Variants in NTM observed in about 807,000 individuals in gnomAD.
NTM encodes neurotrimin.
Under a neutral mutation model 42.1 loss-of-function variants are expected in NTM, and 13 were observed. The ratio of observed to expected loss-of-function variants is 0.31; its 90% CI spans 0.20 to 0.49. The LOEUF is 0.49. NTM is among the 20% of genes least tolerant of loss of function. The pLI, the probability that NTM is intolerant of heterozygous loss-of-function variation, is 0.99. For missense variants in NTM, 373 were observed against 452.8 expected (o/e 0.82, Z 1.60); for synonymous variants, 187 against 179.2 (o/e 1.04, Z -0.35).
intron 1 of NTM, among the ~76,000 whole-genome samples, chr11:131,401,227 C>T (rs1359288565): frequency 6.6e-6 from 1 of 152,156 alleles, no homozygotes; most frequent in African/African-American, 2.4e-5. Context: ...AGAATACACT[C>T]TCAGGTCATC....
rs568140079 is a variant in NTM, at chr11:132,002,979, C to T, written c.167+91331C>T. Among the ~76,000 whole-genome samples, 6 of 152,182 alleles carry T rather than the reference C, an allele frequency of 3.9e-5. No homozygotes were observed. Among genetic ancestry groups the T allele is most frequent in the East Asian group, 1.9e-4 (1 of 5,178 alleles). ...AACCTTTGTCTTCAAGAAGCTTTTACTGTCCGCCTGTCAAAGTTCCTGAGC... is the reference window on the plus strand; with the variant it reads ...AACCTTTGTCTTCAAGAAGCTTTTATTGTCCGCCTGTCAAAGTTCCTGAGC... On this transcript the variant is annotated intron_variant, in intron 2 of 8. Transcript: ENST00000683400. The surrounding 1 kb of genome is among the most constrained non-coding windows in gnomAD (Gnocchi z 4.5).
At chr11:132,288,554 A>G (rs1284703764) in intron 4 of NTM, among the ~76,000 whole-genome samples, 1 of 152,138 alleles carries the variant, frequency 6.6e-6, no homozygotes, top group Non-Finnish European at 1.5e-5. Context: ...ACCCCAAAAT[A>G]TTTCTTTTGT....
intron 1 of NTM, among the ~76,000 whole-genome samples, chr11:131,439,607 G>A (rs888491528): frequency 5.9e-5 from 9 of 152,200 alleles, no homozygotes; most frequent in African/African-American, 1.4e-4. Flanking sequence ...GCATGGGACC[G>A]GCCTAGTCAT....
At chr11:131,610,538 G>C (rs1291134821) in intron 1 of NTM, among the ~76,000 whole-genome samples, 1 of 152,232 alleles carries the variant, frequency 6.6e-6, no homozygotes, top group Non-Finnish European at 1.5e-5. Context: ...TCTGCACCAG[G>C]AGCAAGGAGA....
intron 2 of NTM, among the ~76,000 whole-genome samples, chr11:131,945,574 C>T (rs2060255379): frequency 6.6e-6 from 1 of 152,152 alleles, no homozygotes; most frequent in African/African-American, 2.4e-5. Flanking sequence ...AACAGGTTAA[C>T]CAGGTTCAAT....
chr11:132,299,594 C>T (rs895918), intron 4 of NTM, among the ~76,000 whole-genome samples: 34,775 of 152,096 alleles, frequency 0.23, 4,089 homozygotes, highest in Middle Eastern at 0.29. Flanking sequence ...CTACGACTTA[C>T]GCACAGCTCA....
intron 1 of NTM, among the ~76,000 whole-genome samples, chr11:131,872,882 A>G (rs947988627): frequency 2.6e-5 from 4 of 152,128 alleles, no homozygotes; most frequent in African/African-American, 9.7e-5. Flanking sequence ...GCTGGGTCAA[A>G]TGGTATTTCT....
At chr11:131,590,036 G>C (rs1159792555) in intron 1 of NTM, among the ~76,000 whole-genome samples, 1 of 152,184 alleles carries the variant, frequency 6.6e-6, no homozygotes, top group Non-Finnish European at 1.5e-5. Context: ...TCCAAGGCTG[G>C]AAAAATGACT....
At chr11:131,911,257 C>T (rs2054890340) in intron 1 of NTM, 4 of 1,420,842 alleles carry the variant, frequency 2.8e-6, no homozygotes, top group East Asian at 2.5e-5. Flanking sequence ...GGCCGTCCTC[C>T]GTGGAACCGG....
intron 1 of NTM, among the ~76,000 whole-genome samples, chr11:131,501,863 A>G (rs11827032): frequency 0.17 from 25,471 of 151,798 alleles, 2,600 homozygotes; most frequent in East Asian, 0.36. Context: ...AAGAGAAGGT[A>G]TGTATGTGTG....
rs1212518795 is a variant in NTM at position 132,146,718 on chromosome 11, T to C, written c.400+204T>C. 2 of 470,140 alleles carry C rather than the reference T, an allele frequency of 4.3e-6. No individual in the cohort carries two copies. Among genetic ancestry groups the C allele is most frequent in the Admixed American group, 3.8e-5 (1 of 26,218 alleles). 29.1% of individuals were successfully genotyped at this position (470,140 alleles called of 1,614,324 possible). Reference sequence around the variant, plus strand: ...TTGAGTGGAACTAGGAATTGTTTTTTTCATTTTTGTTCCAATAATATATTT... The same window carrying C: ...TTGAGTGGAACTAGGAATTGTTTTTCTCATTTTTGTTCCAATAATATATTT... On this transcript the variant is annotated intron_variant, in intron 3 of 8. Coordinates refer to ENST00000683400, the MANE Select transcript of NTM (RefSeq NM_001352005.2). The surrounding 1 kb of genome is among the most constrained non-coding windows in gnomAD (Gnocchi z 4.5).
chr11:132,185,730 G>A (rs2078288186), intron 3 of NTM, among the ~76,000 whole-genome samples: 1 of 152,194 alleles, frequency 6.6e-6, no homozygotes, highest in African/African-American at 2.4e-5. Flanking sequence ...TAAAAGATAT[G>A]GAGGAGGGTT....
chr11:132,199,840 C>T (rs557018537), intron 3 of NTM, among the ~76,000 whole-genome samples: 175 of 150,706 alleles, frequency 1.2e-3, no homozygotes, highest in African/African-American at 4.0e-3. Context: ...GACATGTCTA[C>T]TGAGAAGCAA....
At chr11:132,183,643 T>C (rs1197527816) in intron 3 of NTM, among the ~76,000 whole-genome samples, 2 of 152,086 alleles carry the variant, frequency 1.3e-5, no homozygotes, top group Admixed American at 6.5e-5. Flanking sequence ...CCATGTTCTT[T>C]GAAAGCACCA....
chr11:132,190,002 CTG>C, intron 3 of NTM, among the ~76,000 whole-genome samples: 1 of 152,290 alleles, frequency 6.6e-6, no homozygotes, highest in Admixed American at 6.5e-5. Context: ...CTAAGACAAA[CTG>C]TGATATACTC....
chr11:131,496,956 T>G (rs1446603508), intron 1 of NTM, among the ~76,000 whole-genome samples: 1 of 152,192 alleles, frequency 6.6e-6, no homozygotes, highest in East Asian at 1.9e-4. Flanking sequence ...TCCCTCTGGC[T>G]TCCTACTGAA....
chr11:131,375,308 T>A (rs944987418), intron 1 of NTM, among the ~76,000 whole-genome samples: 2 of 152,202 alleles, frequency 1.3e-5, no homozygotes, highest in African/African-American at 4.8e-5. Flanking sequence ...CATGCTGAGA[T>A]TATATTTATG....
chr11:132,311,237 T>C (rs1208162279), intron 6 of NTM, among the ~76,000 whole-genome samples: 1 of 152,202 alleles, frequency 6.6e-6, no homozygotes, highest in East Asian at 1.9e-4. Flanking sequence ...CTAAAGCTCT[T>C]TCTAGTCTCT....
chr11:131,710,391 A>G (rs1200623065), intron 1 of NTM, among the ~76,000 whole-genome samples: 1 of 152,000 alleles, frequency 6.6e-6, no homozygotes, highest in Non-Finnish European at 1.5e-5. Context: ...CAAAAGCCTC[A>G]CCAAGCGGGT....
Sources: allele counts gnomAD v4.1 joint callset (sites outside exome capture counted in the v4.1 genomes callset), GRCh38; gene constraint gnomAD v4.1.1; non-coding constraint Gnocchi (gnomAD v3.1); transcripts MANE v1.5; gene names NCBI Gene and HGNC (gene_info 2026-07-23, HGNC 2026-07-21).